ASH1L: variants seen among roughly 807,000 people sequenced by gnomAD.
ASH1L encodes histone-lysine N-methyltransferase ASH1L.
A neutral mutation model predicts 269.0 loss-of-function variants in ASH1L; 23 were observed. The ratio of observed to expected loss-of-function variants is 0.09; its 90% CI spans 0.06 to 0.12. ASH1L has a LOEUF of 0.12. Among genes scored for constraint, ASH1L ranks in the 10% least tolerant of loss-of-function variants. ASH1L has a pLI of 1.00. For synonymous variants in ASH1L, 1,187 were observed against 1,253.5 expected (o/e 0.95, Z 1.12); for missense variants, 2,912 against 3,567.8 (o/e 0.82, Z 4.68).
At chr1:155,426,585 C>T (rs1661177201) in intron 5 of ASH1L, among the ~76,000 whole-genome samples, 1 of 152,130 alleles carries the variant, frequency 6.6e-6, no homozygotes, top group Non-Finnish European at 1.5e-5. Flanking sequence ...GGTGATCTGC[C>T]CACATCAGAC....
At position 155,445,461 on chromosome 1, in the gene ASH1L, AG is replaced by A. The variant is rs201372105; in HGVS notation, c.5087-6394del. On this transcript the variant is annotated intron_variant, in intron 4 of 27. Coordinates refer to ENST00000392403, the MANE Select transcript of ASH1L (RefSeq NM_018489.3). ...CAGCATTCCAAAGTGCTGAGATTAC[AG>A]GGGTGAGCCACTACACCTGGTCTAA... 3.7e-3 allele frequency among the ~76,000 whole-genome samples: 568 copies of A among 152,122 alleles called. 5 individuals carry two copies. The highest frequency in any genetic ancestry group is 0.013 in the African/African-American group (544 of 41,498).
At chr1:155,362,121 C>T (rs1655014120) in intron 12 of ASH1L, among the ~76,000 whole-genome samples, 1 of 151,860 alleles carries the variant, frequency 6.6e-6, no homozygotes, top group Non-Finnish European at 1.5e-5. Flanking sequence ...CTGCAACCTC[C>T]AACTCCCGGG....
chr1:155,352,008 A>G (rs908003361), intron 17 of ASH1L, among the ~76,000 whole-genome samples: 1 of 152,148 alleles, frequency 6.6e-6, no homozygotes, highest in African/African-American at 2.4e-5. Flanking sequence ...ACTCTGTATT[A>G]TGAAAATGGA....
chr1:155,395,618 A>G (rs1658277763), intron 6 of ASH1L, 65 bp from the exon 7 acceptor site: 1 of 1,119,316 alleles, frequency 8.9e-7, no homozygotes. Context: ...GGTCAAATAC[A>G]GATAACAGAT....
At chr1:155,475,146 C>T (rs905088700) in intron 3 of ASH1L, among the ~76,000 whole-genome samples, 1 of 151,198 alleles carries the variant, frequency 6.6e-6, no homozygotes, top group Non-Finnish European at 1.5e-5. Flanking sequence ...TTCACTGTGG[C>T]TTTTTTTTTA....
intron 5 of ASH1L, 71 bp downstream of exon 5, chr1:155,438,256 C>A: frequency 7.1e-7 from 1 of 1,413,976 alleles, no homozygotes; most frequent in Non-Finnish European, 9.5e-7. Context: ...AATAATTCAG[C>A]TATAGAGTTA....
chr1:155,350,920 T>TCCGTCCTA (rs1653850561), intron 17 of ASH1L, among the ~76,000 whole-genome samples: 1 of 134,120 alleles, frequency 7.5e-6, no homozygotes, highest in Non-Finnish European at 1.6e-5. Context: ...GACTCCGTCC[T>TCCGTCCTA]AAAAAAAAAA....
chr1:155,424,665 C>A (rs917150907), intron 5 of ASH1L, among the ~76,000 whole-genome samples: 5 of 152,100 alleles, frequency 3.3e-5, no homozygotes, highest in African/African-American at 1.2e-4. Flanking sequence ...CCTTGGCCTC[C>A]CAAAGTCCTG....
intron 1 of ASH1L, among the ~76,000 whole-genome samples, chr1:155,529,718 T>A (rs570083647): frequency 1.1e-3 from 160 of 152,278 alleles, no homozygotes; most frequent in Non-Finnish European, 1.8e-3. Flanking sequence ...ATCATGTCAC[T>A]CCTCTGCTCA....
chr1:155,368,023 T>C (rs760764680), intron 12 of ASH1L, among the ~76,000 whole-genome samples: 2 of 152,100 alleles, frequency 1.3e-5, no homozygotes, highest in African/African-American at 2.4e-5. Context: ...TTTTTTTAAA[T>C]AGACACAGGG....
At chr1:155,342,184 G>C (rs1652877112) in intron 24 of ASH1L, 82 bp from the exon 25 acceptor site, 2 of 1,353,236 alleles carry the variant, frequency 1.5e-6, no homozygotes, top group South Asian at 1.2e-5. Context: ...CACACCAATG[G>C]GAGAGCAGCT....
intron 1 of ASH1L, among the ~76,000 whole-genome samples, chr1:155,532,864 T>A (rs1171073252): frequency 6.7e-6 from 1 of 148,624 alleles, no homozygotes; most frequent in African/African-American, 2.5e-5. Context: ...TGCACACATA[T>A]ATATGTGTAT....
Position 155,481,632 on chromosome 1 carries a change from A to G in ASH1L, c.1238T>C (p.Leu413Ser), listed in dbSNP as rs1337080349. 4 of 1,614,044 alleles carry G rather than the reference A, an allele frequency of 2.5e-6. No individual in the cohort carries two copies. The highest frequency in any genetic ancestry group is 2.5e-6 in the Non-Finnish European group (3 of 1,180,028). The stretch of plus-strand genomic sequence containing the variant: ...GGCATCTTTACTGATCAGACCTGCC[A>G]AAGGACAACTCATTAGTTTCTTTCC... ...DIGKKLMSCP[L>S]AGLISKDAIN... The change falls in exon 3 of 28, where the codon TTG becomes TCG. Residue 413 changes from leucine (L) to serine (S), a missense_variant. Leu to Ser is a moderately radical substitution (Grantham distance 145, BLOSUM62 -2). Around this residue, in one of 13 missense-constraint regions of ASH1L, gnomAD observed 715 missense variants for 721.0 expected, o/e 0.99. Coordinates refer to ENST00000392403, the MANE Select transcript of ASH1L (RefSeq NM_018489.3).
chr1:155,561,970 C>A (rs1176936261), intron 1 of ASH1L, 183 bp downstream of exon 1: 2 of 540,766 alleles, frequency 3.7e-6, no homozygotes, highest in Admixed American at 6.8e-5. Context: ...CACCCCTTCA[C>A]CCCGCCTGGA....
At position 155,391,435 on chromosome 1, in the gene ASH1L, A is replaced by G. The variant is rs142757793; in HGVS notation, c.6103+4024T>C. ...ATTTATCTGCTTGTTCATTATAAGC[A>G]TATTTTCCTTTACATCCTTGAACAC... On this transcript the variant is annotated intron_variant, in intron 7 of 27. Coordinates refer to ENST00000392403, the MANE Select transcript of ASH1L (RefSeq NM_018489.3). Among the ~76,000 whole-genome samples, 503 of 152,310 alleles carry G rather than the reference A, an allele frequency of 3.3e-3. 3 individuals are homozygous for G. Among genetic ancestry groups the G allele is most frequent in the African/African-American group, 0.012 (486 of 41,564 alleles).
chr1:155,506,108 A>G (rs1050516530), intron 2 of ASH1L, among the ~76,000 whole-genome samples: 2 of 151,906 alleles, frequency 1.3e-5, no homozygotes, highest in African/African-American at 2.4e-5. Flanking sequence ...CTGCCCTTGC[A>G]ATAGTTTGCT....
chr1:155,349,200 T>C, intron 19 of ASH1L, 127 bp downstream of exon 19: 1 of 946,868 alleles, frequency 1.1e-6, no homozygotes. Flanking sequence ...ACCCCAAGGA[T>C]ACTCAAAAAT....
chr1:155,383,488 A>G (rs1028477871), intron 7 of ASH1L, among the ~76,000 whole-genome samples: 1 of 152,180 alleles, frequency 6.6e-6, no homozygotes, highest in African/African-American at 2.4e-5. Flanking sequence ...GTCACAACTG[A>G]CTACTGTATT....
At chr1:155,543,899 C>T (rs959049849) in intron 1 of ASH1L, among the ~76,000 whole-genome samples, 3 of 152,116 alleles carry the variant, frequency 2.0e-5, no homozygotes, top group Non-Finnish European at 4.4e-5. Context: ...ATGATGGTGT[C>T]ACTGCACTCC....
Sources: allele counts gnomAD v4.1 joint callset (sites outside exome capture counted in the v4.1 genomes callset), GRCh38; gene constraint gnomAD v4.1.1; regional missense constraint gnomAD v4.1.1; transcripts MANE v1.5; gene names NCBI Gene and HGNC (gene_info 2026-07-23, HGNC 2026-07-21).